BMAL2: variants seen among roughly 807,000 people sequenced by gnomAD.
The protein encoded by BMAL2 is basic helix-loop-helix ARNT like 2, also known as basic helix-loop-helix ARNT-like protein 2.
chr12:27,391,228 T>C, the BMAL2 span, among the ~76,000 whole-genome samples: 1 of 152,158 alleles, frequency 6.6e-6, no homozygotes, highest in South Asian at 2.1e-4. Context: ...GTGTCTGTTG[T>C]TCCCGTGTTT....
chr12:27,375,873 G>T, the BMAL2 span, among the ~76,000 whole-genome samples: 1 of 152,024 alleles, frequency 6.6e-6, no homozygotes, highest in Non-Finnish European at 1.5e-5. Flanking sequence ...TTTCAATATT[G>T]GTTACCATCC....
chr12:27,402,365 C>G, the BMAL2 span, among the ~76,000 whole-genome samples: 1 of 152,036 alleles, frequency 6.6e-6, no homozygotes, highest in South Asian at 2.1e-4. Context: ...TCTTTGCCTA[C>G]TTATTATTAG....
chr12:27,416,070 C>A, the BMAL2 span: 1 of 673,640 alleles, frequency 1.5e-6, no homozygotes, highest in Non-Finnish European at 2.5e-6. Flanking sequence ...CCATTTTGAT[C>A]ACTCAGTGAT....
chr12:27,419,611 T>A, the BMAL2 span, among the ~76,000 whole-genome samples: 3 of 152,210 alleles, frequency 2.0e-5, no homozygotes, highest in Non-Finnish European at 4.4e-5. Flanking sequence ...AAATTCAAAC[T>A]ATTGTATATA....
chr12:27,360,699 A>G, the BMAL2 span, among the ~76,000 whole-genome samples: 1 of 146,298 alleles, frequency 6.8e-6, no homozygotes, highest in South Asian at 2.2e-4. Context: ...TTTCAAACAG[A>G]TTTGTGTACA....
the BMAL2 span, chr12:27,387,344 C>G: frequency 6.2e-6 from 9 of 1,462,970 alleles, no homozygotes; most frequent in Non-Finnish European, 8.6e-6. Context: ...AGGATATTTT[C>G]CATACAATGT....
the BMAL2 span, among the ~76,000 whole-genome samples, chr12:27,420,019 G>GCACACACACACACACACACA: frequency 2.0e-5 from 3 of 147,478 alleles, no homozygotes; most frequent in African/African-American, 5.0e-5. Flanking sequence ...GTTTGCGCGT[G>GCACACACACACACACACACA]CACACACACA....
At chr12:27,358,348 C>G in the BMAL2 span, among the ~76,000 whole-genome samples, 3 of 151,600 alleles carry the variant, frequency 2.0e-5, no homozygotes, top group African/African-American at 7.3e-5. Context: ...TGTGATACCA[C>G]CTTACTCTTG....
the BMAL2 span, among the ~76,000 whole-genome samples, chr12:27,336,121 C>G: frequency 6.6e-6 from 1 of 152,190 alleles, no homozygotes; most frequent in Non-Finnish European, 1.5e-5. Flanking sequence ...ACCTCCACTT[C>G]TCTGCATTGA....
the BMAL2 span, among the ~76,000 whole-genome samples, chr12:27,378,748 A>G: frequency 6.6e-6 from 1 of 152,242 alleles, no homozygotes; most frequent in African/African-American, 2.4e-5. Context: ...GTCATAGAAT[A>G]GACTAGGAGA....
chr12:27,390,495 A>C, the BMAL2 span: 1 of 344,160 alleles, frequency 2.9e-6, no homozygotes, highest in African/African-American at 2.2e-5. Context: ...GGGGCCTATC[A>C]AGTGGGAAAA....
At chr12:27,340,527 T>G in the BMAL2 span, among the ~76,000 whole-genome samples, 5 of 152,196 alleles carry the variant, frequency 3.3e-5, no homozygotes, top group Non-Finnish European at 7.4e-5. Flanking sequence ...TAGTTTGAAG[T>G]TAGGCAATGG....
chr12:27,412,817 A>G, the BMAL2 span, among the ~76,000 whole-genome samples: 2 of 152,144 alleles, frequency 1.3e-5, no homozygotes, highest in Non-Finnish European at 2.9e-5. Context: ...ATGTAAAGAG[A>G]TCTTCACCAA....
At chr12:27,425,123 G>A in the BMAL2 span, 2 of 152,038 alleles carry the variant, frequency 1.3e-5, no homozygotes, top group African/African-American at 2.4e-5. Context: ...CTTGAGTTTA[G>A]ATTTGTCTTT....
the BMAL2 span, chr12:27,403,596 A>G: frequency 8.9e-7 from 1 of 1,119,576 alleles, no homozygotes; most frequent in Non-Finnish European, 1.3e-6. Context: ...TATTTATAAA[A>G]TCAATATACA....
chr12:27,400,922 T>C, the BMAL2 span: 12 of 806,470 alleles, frequency 1.5e-5, no homozygotes, highest in Non-Finnish European at 2.0e-5. Context: ...AATATGGACA[T>C]GTCAGTAAAT....
chr12:27,381,821 A>T, the BMAL2 span, among the ~76,000 whole-genome samples: 1 of 152,230 alleles, frequency 6.6e-6, no homozygotes, highest in Admixed American at 6.5e-5. Context: ...AAGACTCCAG[A>T]GGAGACTCTG....
the BMAL2 span, chr12:27,403,421 G>C: frequency 6.8e-7 from 1 of 1,478,212 alleles, no homozygotes; most frequent in Admixed American, 1.7e-5. Flanking sequence ...TTCTCCTTTT[G>C]CTGTTACTTA....
the BMAL2 span, among the ~76,000 whole-genome samples, chr12:27,378,020 C>G: frequency 6.6e-6 from 1 of 152,142 alleles, no homozygotes; most frequent in African/African-American, 2.4e-5. Context: ...AAAAACAGAT[C>G]AGGGAAGTCT....
Sources: allele counts gnomAD v4.1 joint callset (sites outside exome capture counted in the v4.1 genomes callset), GRCh38; gene constraint gnomAD v4.1.1; transcripts MANE v1.5; gene names NCBI Gene and HGNC (gene_info 2026-07-23, HGNC 2026-07-21).